SLC71A1: variants seen among roughly 807,000 people sequenced by gnomAD.
SLC71A1 encodes the protein solute carrier family 71 member 1, also known as hippocampus abundant gene transcript 1.
chr1:100,082,247 G>C, the SLC71A1 span: 12 of 1,526,340 alleles, frequency 7.9e-6, no homozygotes, highest in Non-Finnish European at 1.1e-5. Flanking sequence ...CAGCACCCAG[G>C]TCTTAGTTTT....
the SLC71A1 span, among the ~76,000 whole-genome samples, chr1:100,080,920 A>T: frequency 6.6e-6 from 1 of 152,174 alleles, no homozygotes; most frequent in African/African-American, 2.4e-5. Context: ...TCTCTTTACT[A>T]CTAGTCTCTT....
chr1:100,060,432 T>C, the SLC71A1 span, among the ~76,000 whole-genome samples: 7 of 152,194 alleles, frequency 4.6e-5, no homozygotes, highest in Admixed American at 1.3e-4. Flanking sequence ...TCTCTTTTCA[T>C]GTGAAAAAGG....
At chr1:100,063,686 C>T in the SLC71A1 span, among the ~76,000 whole-genome samples, 3 of 152,214 alleles carry the variant, frequency 2.0e-5, no homozygotes, top group East Asian at 5.8e-4. Flanking sequence ...GTCCCAGCTA[C>T]CTGGGAGGCT....
chr1:100,072,638 C>A, the SLC71A1 span, among the ~76,000 whole-genome samples: 1 of 151,636 alleles, frequency 6.6e-6, no homozygotes, highest in Non-Finnish European at 1.5e-5. Flanking sequence ...GGAAGTGTTA[C>A]GTGAAATTAT....
chr1:100,064,727 CTT>C, the SLC71A1 span, among the ~76,000 whole-genome samples: 48 of 142,352 alleles, frequency 3.4e-4, no homozygotes, highest in Non-Finnish European at 3.7e-4. Flanking sequence ...GTCTCTTTTC[CTT>C]TTTTTTTTTT....
the SLC71A1 span, among the ~76,000 whole-genome samples, chr1:100,067,816 C>G: frequency 7.4e-4 from 112 of 152,044 alleles, 1 homozygote; most frequent in African/African-American, 2.6e-3. Flanking sequence ...TTCCCCCACT[C>G]TCGCCCCCAC....
the SLC71A1 span, among the ~76,000 whole-genome samples, chr1:100,074,971 T>G: frequency 1.3e-5 from 2 of 152,268 alleles, no homozygotes; most frequent in Non-Finnish European, 2.9e-5. Flanking sequence ...CTAAGCCTTT[T>G]TTATTGAATT....
At chr1:100,064,000 C>T in the SLC71A1 span, among the ~76,000 whole-genome samples, 3 of 152,280 alleles carry the variant, frequency 2.0e-5, no homozygotes, top group South Asian at 6.2e-4. Flanking sequence ...TTTTCCCTTT[C>T]CCCACACTTG....
the SLC71A1 span, among the ~76,000 whole-genome samples, chr1:100,060,381 T>C: frequency 1.3e-5 from 2 of 152,342 alleles, no homozygotes; most frequent in African/African-American, 4.8e-5. Flanking sequence ...GGTTTTGCTA[T>C]ATATCAAAAC....
the SLC71A1 span, chr1:100,082,278 C>A: frequency 8.6e-7 from 1 of 1,156,264 alleles, no homozygotes; most frequent in Non-Finnish European, 1.3e-6. Context: ...TCTGGATGTA[C>A]ATTCCATTTC....
At chr1:100,051,458 GTT>G in the SLC71A1 span, among the ~76,000 whole-genome samples, 30 of 133,944 alleles carry the variant, frequency 2.2e-4, no homozygotes, top group Admixed American at 3.0e-4. Context: ...ATATCAGAGG[GTT>G]TTTTTTTTTT....
the SLC71A1 span, chr1:100,078,663 T>A: frequency 1.4e-6 from 1 of 698,336 alleles, no homozygotes; most frequent in African/African-American, 1.8e-5. Flanking sequence ...ACTTTTAAAA[T>A]TGCTTTTGAT....
At chr1:100,053,746 T>TC in the SLC71A1 span, among the ~76,000 whole-genome samples, 1 of 152,154 alleles carries the variant, frequency 6.6e-6, no homozygotes, top group Non-Finnish European at 1.5e-5. Flanking sequence ...CATAGAACAG[T>TC]CAAAAAACAA....
the SLC71A1 span, among the ~76,000 whole-genome samples, chr1:100,064,718 T>C: frequency 6.6e-6 from 1 of 151,208 alleles, no homozygotes; most frequent in Admixed American, 6.6e-5. Context: ...TCTATTTTTG[T>C]CTCTTTTCCT....
chr1:100,048,551 C>T, the SLC71A1 span, among the ~76,000 whole-genome samples: 1 of 152,178 alleles, frequency 6.6e-6, no homozygotes, highest in Non-Finnish European at 1.5e-5. Context: ...CTCCTCCTTC[C>T]TGAAACTGCT....
chr1:100,048,142 G>A, the SLC71A1 span, among the ~76,000 whole-genome samples: 2 of 151,788 alleles, frequency 1.3e-5, no homozygotes, highest in African/African-American at 4.8e-5. Flanking sequence ...ATGTGGTGGT[G>A]AACATGGTGG....
chr1:100,069,822 T>C, the SLC71A1 span: 1 of 665,972 alleles, frequency 1.5e-6, no homozygotes, highest in African/African-American at 1.8e-5. Context: ...AAATTCAATT[T>C]GTTTGTGTAG....
the SLC71A1 span, among the ~76,000 whole-genome samples, chr1:100,062,967 G>A: frequency 6.8e-6 from 1 of 147,542 alleles, no homozygotes; most frequent in Non-Finnish European, 1.5e-5. Flanking sequence ...GATTTCAGTT[G>A]TAAACTTGGA....
the SLC71A1 span, chr1:100,080,052 G>T: frequency 6.5e-6 from 1 of 154,332 alleles, no homozygotes. Flanking sequence ...AGCCCAGGAA[G>T]TTGAGGCTGC....
Sources: gnomAD v4.1 joint callset for allele counts (sites outside exome capture counted in the v4.1 genomes callset) on GRCh38, gnomAD v4.1.1 for gene constraint, MANE v1.5 for transcripts, NCBI Gene and HGNC (gene_info 2026-07-23, HGNC 2026-07-21) for gene names.